Variants in VAT1 observed in about 807,000 individuals in gnomAD.
VAT1 encodes the protein vesicle amine transport 1, also known as NADPH-dependent quinone oxidoreductase VAT1.
A neutral mutation model predicts 33.3 loss-of-function variants in VAT1; 24 were observed. The observed-to-expected ratio is 0.72, with a 90% CI of 0.52 to 1.01. The LOEUF (loss-of-function observed/expected upper bound fraction) is 1.01. Ranked by LOEUF, VAT1 falls within the 50% of genes least tolerant of loss-of-function variation. The pLI is 0.00. For synonymous variants in VAT1, 212 were observed against 225.0 expected, an observed-to-expected ratio of 0.94 and a Z score of 0.52; for missense variants, 436 against 533.7, an observed-to-expected ratio of 0.82 and a Z score of 1.80.
At position 43,016,361 on chromosome 17, in the gene VAT1, C is replaced by A. The variant is rs2050520353; in HGVS notation, c.1044G>T (p.Leu348=). ...VSGVVARLLA[L]YNQGHIKPHI... ...GGGGCTTGATGTGGCCCTGGTTGTA[C>A]AGAGCCAGGAGGCGGGCCACCACAC... Residue 348 remains leucine, a synonymous_variant, in exon 5 of 6, where the codon CTG becomes CTT. Transcript: ENST00000355653. 4 of 1,612,200 alleles carry A rather than the reference C, an allele frequency of 2.5e-6. No individual in the cohort carries two copies. Among genetic ancestry groups the A allele is most frequent in the Admixed American group, 1.7e-5 (1 of 60,008 alleles).
At position 43,020,495 on chromosome 17, in the gene VAT1, G is replaced by A. The variant is rs889968415; in HGVS notation, c.387+1441C>T. Among the ~76,000 whole-genome samples, 5 of 152,166 alleles carry A rather than the reference G, an allele frequency of 3.3e-5. No individual in the cohort carries two copies. In the South Asian group the frequency reaches 1.0e-3, roughly 32 times the overall value. On this transcript the variant is annotated intron_variant, in intron 1 of 5. Coordinates refer to ENST00000355653, the MANE Select transcript of VAT1 (RefSeq NM_006373.4). The stretch of plus-strand genomic sequence containing the variant: ...AGGAGAAGCTGTTTGCATACAGGAT[G>A]AATCCAACAAACCTGGCTCCAGAAT...
At chr17:43,021,685 A>G (rs980903008) in intron 1 of VAT1, among the ~76,000 whole-genome samples, 1 of 150,112 alleles carries the variant, frequency 6.7e-6, no homozygotes, top group East Asian at 2.0e-4. Context: ...CCCCCCCACC[A>G]GCACAGCTTC....
Position 43,018,076 on chromosome 17 carries a change from C to A in VAT1, c.726G>T (p.Thr242=), listed in dbSNP as rs768126517. 1.9e-6 allele frequency: 3 copies of A among 1,614,126 alleles called. No homozygotes were observed. The Admixed American group carries it at 5.0e-5, about 27-fold the overall frequency. ...NGVTHPIDYH[T]TDYVDEIKKI... ...TCTTGATCTCATCCACGTAGTCAGTCGTGTGATAGTCGATGGGATGTGTGA... is the reference window on the plus strand; with the variant it reads ...TCTTGATCTCATCCACGTAGTCAGTAGTGTGATAGTCGATGGGATGTGTGA... Residue 242 remains threonine, a synonymous_variant, in exon 3 of 6, where the codon ACG becomes ACT. Transcript: ENST00000355653.
chr17:43,015,268 G>A lies in VAT1; in HGVS notation c.*793C>T, dbSNP rs549162043. On this transcript the variant is annotated 3_prime_UTR_variant, in exon 6 of 6. Transcript: ENST00000355653. ...GAAACCCCAGCTCCACCAGAACAAG[G>A]AAGGCACTGGGGAGTACAGGGGAGG... is the stretch of plus-strand genomic sequence containing the variant. 2.0e-5 allele frequency: 3 copies of A among 152,780 alleles called. No individual in the cohort carries two copies. The highest frequency in any genetic ancestry group is 7.2e-5 in the African/African-American group (3 of 41,560). 9.5% of individuals were successfully genotyped at this position (152,780 alleles called of 1,614,324 possible). A position where few individuals can be genotyped will look rare whatever the true frequency, so the allele number is the denominator to read the frequency against.
At position 43,016,461 on chromosome 17, in the gene VAT1, T is replaced by G. The variant is rs1182898709; in HGVS notation, c.944A>C (p.Gln315Pro). The change falls in exon 5 of 6, where the codon CAG becomes CCG. Residue 315 changes from glutamine (Q) to proline (P), a missense_variant. By Grantham distance (76) the Gln-to-Pro change is moderately conservative (BLOSUM62 -1). This residue lies in a region of VAT1 where 282 missense variants were observed against 405.4 expected (regional missense o/e 0.70). Transcript: ENST00000355653. ...WWNQFSVTAL[Q>P]LLQANRAVCG... ...CACAGCCCGGTTGGCCTGCAGCAGC[T>G]GCAGAGCTGTCACGCTGAACTGATT... The G allele has an allele frequency of 1.2e-6, 2 of 1,614,080 alleles. No individual in the cohort carries two copies. The highest frequency in any genetic ancestry group is 1.7e-6 in the Non-Finnish European group (2 of 1,180,054).
At position 43,016,431 on chromosome 17, in the gene VAT1, C is replaced by A; in HGVS notation, c.974G>T (p.Gly325Val). The change falls in exon 5 of 6, where the codon GGC becomes GTC. Residue 325 changes from glycine to valine, a missense_variant. Coordinates refer to ENST00000355653, the MANE Select transcript of VAT1 (RefSeq NM_006373.4). ...ACCATCCAGGTAGCCCAGGTGGAAG[C>A]CACACACAGCCCGGTTGGCCTGCAG... ...QLLQANRAVCGFHLGYLDGEV... is the reference protein window; with the variant it reads ...QLLQANRAVCVFHLGYLDGEV... The A allele has an allele frequency of 6.2e-7, 1 of 1,614,180 alleles. No homozygotes were observed. The highest frequency in any genetic ancestry group is 1.1e-5 in the South Asian group (1 of 91,092).
intron 1 of VAT1, among the ~76,000 whole-genome samples, chr17:43,020,601 A>G (rs552212866): frequency 1.3e-5 from 2 of 152,228 alleles, no homozygotes; most frequent in East Asian, 3.9e-4. Context: ...CTCCTGGCCA[A>G]GCGCAGTGGC....
rs1303551647 is a variant in VAT1, at chr17:43,021,942, G to A, written c.381C>T (p.Asp127=). 1 of 1,610,626 alleles carries A rather than the reference G, an allele frequency of 6.2e-7. No homozygotes were observed. The highest frequency in any genetic ancestry group is 1.3e-5 in the African/African-American group (1 of 74,978). Residue 127 remains aspartate (D), a synonymous_variant, in exon 1 of 6, where the codon GAC becomes GAT. Transcript: ENST00000355653. ...VVIAVGEGVS[D]RKAGDRVMVL... is the part of the protein sequence containing the mutation. ...CCCTACGCAACCCGCTCACCTTGCG[G>A]TCGCTGACTCCCTCGCCCACTGCGA...
rs779186053 is a variant in VAT1 at position 43,016,543 on chromosome 17, C to G, written c.862G>C (p.Ala288Pro). Residue 288 changes from alanine (A) to proline (P), a missense_variant, in exon 5 of 6, where the codon GCC (alanine) becomes CCC (proline). Around this residue, in one of 2 missense-constraint regions of VAT1, gnomAD observed 282 missense variants for 405.4 expected, o/e 0.70. Coordinates refer to ENST00000355653, the MANE Select transcript of VAT1 (RefSeq NM_006373.4). ...CGTTTGGGGCCCGTCAGCAGGTTGG[C>G]CATTCCTGAAGGACAAGGTGACATA... ...PMGKVVTYGM[A>P]NLLTGPKRNL... The G allele has an allele frequency of 6.2e-7, 1 of 1,612,934 alleles. No individual in the cohort carries two copies. Among genetic ancestry groups the G allele is most frequent in the Middle Eastern group, 1.9e-4 (1 of 5,348 alleles).
In VAT1 at chr17:43,018,797, T is replaced by G; in HGVS notation, c.390A>C (p.Ala130=). Reference sequence around the variant, plus strand: ...GGTTCAACACCATCACCCGGTCTCCTGCCTTGAAGAACAGAAGAGTATCAT... The same window carrying G: ...GGTTCAACACCATCACCCGGTCTCCGGCCTTGAAGAACAGAAGAGTATCAT... ...AVGEGVSDRK[A]GDRVMVLNRS... Residue 130 remains alanine (A), a splice_region_variant and synonymous_variant, in exon 2 of 6, where the codon GCA becomes GCC. Transcript: ENST00000355653. The G allele has an allele frequency of 6.2e-7, 1 of 1,614,198 alleles. No individual in the cohort carries two copies. The highest frequency in any genetic ancestry group is 1.3e-5 in the African/African-American group (1 of 75,042).
Position 43,015,976 on chromosome 17 carries a change from G to T in VAT1, c.*85C>A. On this transcript the variant is annotated 3_prime_UTR_variant, in exon 6 of 6. Transcript: ENST00000355653. ...GGGAGGGCAGAGCATTATGACAGAG[G>T]CTGAAATGCAAGTCTGGTGGCCAAC... The T allele has an allele frequency of 6.8e-7, 1 of 1,468,106 alleles. No individual in the cohort carries two copies. Among genetic ancestry groups the T allele is most frequent in the Non-Finnish European group, 9.5e-7 (1 of 1,055,896 alleles). The allele number at this position is 1,468,106 out of a possible 1,614,324, so 90.9% of individuals were successfully genotyped here. A position where few individuals can be genotyped will look rare whatever the true frequency, so the allele number is the denominator to read the frequency against.
Position 43,022,380 on chromosome 17 carries a change from C to T in VAT1, c.-58G>A. 1.4e-6 allele frequency: 2 copies of T among 1,448,766 alleles called. No homozygotes were observed. Among genetic ancestry groups the T allele is most frequent in the Non-Finnish European group, 1.8e-6 (2 of 1,102,816 alleles). The allele number at this position is 1,448,766 out of a possible 1,614,324, so 89.7% of individuals were successfully genotyped here. A position where few individuals can be genotyped will look rare whatever the true frequency, so the allele number is the denominator to read the frequency against. On this transcript the variant is annotated 5_prime_UTR_variant, in exon 1 of 6. Coordinates refer to ENST00000355653, the MANE Select transcript of VAT1 (RefSeq NM_006373.4). ...ATGGAGAGTGCACAGCTGGGGAAGG[C>T]GGAACGCGTCGGGAAGAGCCGCGGC...
intron 1 of VAT1, 123 bp from the exon 2 acceptor site, chr17:43,018,922 C>A: frequency 1.2e-6 from 1 of 823,286 alleles, no homozygotes; most frequent in South Asian, 1.8e-5. Flanking sequence ...CAGCAATAGT[C>A]ATGGTAATAA....
Position 43,022,255 on chromosome 17 carries a change from G to T in VAT1, c.68C>A (p.Thr23Asn). The T allele has an allele frequency of 6.3e-7, 1 of 1,586,238 alleles. No homozygotes were observed. Among genetic ancestry groups the T allele is most frequent in the South Asian group, 1.1e-5 (1 of 88,582 alleles). Residue 23 changes from threonine to asparagine, a missense_variant, in exon 1 of 6, where the codon ACC becomes AAC. Coordinates refer to ENST00000355653, the MANE Select transcript of VAT1 (RefSeq NM_006373.4). Reference protein sequence around the residue: ...GEDASSPPPKTEAASDPQHPA... With the variant: ...GEDASSPPPKNEAASDPQHPA... ...ATGCTGGGGGTCGCTCGCTGCCTCG[G>T]TTTTCGGAGGCGGCGAAGAGGCGTC...
In VAT1 at chr17:43,016,403, C is replaced by T. The variant is rs904852787; in HGVS notation, c.1002G>A (p.Glu334=). ...CCACCACACCACTGACCAGCTCCAC[C>T]TCACCATCCAGGTAGCCCAGGTGGA... ...CGFHLGYLDG[E]VELVSGVVAR... Residue 334 remains glutamate (E), a synonymous_variant, in exon 5 of 6, where the codon GAG becomes GAA. Transcript: ENST00000355653. 1.2e-6 allele frequency: 2 copies of T among 1,614,048 alleles called. No individual in the cohort carries two copies. The highest frequency in any genetic ancestry group is 1.7e-6 in the Non-Finnish European group (2 of 1,180,046).
In VAT1 at chr17:43,015,869, G is replaced by C; in HGVS notation, c.*192C>G. ...CTTGGCAGGGCCCAGACATCCAAAT[G>C]GTCACTTCCCAACCTCTTCAGAGGT... On this transcript the variant is annotated 3_prime_UTR_variant, in exon 6 of 6. Coordinates refer to ENST00000355653, the MANE Select transcript of VAT1 (RefSeq NM_006373.4). 1 of 683,814 alleles carries C rather than the reference G, an allele frequency of 1.5e-6. No individual in the cohort carries two copies. Among genetic ancestry groups the C allele is most frequent in the Non-Finnish European group, 2.6e-6 (1 of 392,120 alleles). The allele number at this position is 683,814 out of a possible 1,614,324, so 42.4% of individuals were successfully genotyped here. A position where few individuals can be genotyped will look rare whatever the true frequency, so the allele number is the denominator to read the frequency against.
In VAT1 at chr17:43,016,298, C is replaced by T. The variant is rs763203101; in HGVS notation, c.1098+9G>A. On this transcript the variant is annotated intron_variant, in intron 5 of 5. Transcript: ENST00000355653. ...ACCCAAGCCCTCCCTGCAAAGTCCTCACATTCACCTTCTCGAAGGGCCAGA... is the reference window on the plus strand; with the variant it reads ...ACCCAAGCCCTCCCTGCAAAGTCCTTACATTCACCTTCTCGAAGGGCCAGA... 2.5e-6 allele frequency: 4 copies of T among 1,607,970 alleles called. No individual in the cohort carries two copies. The East Asian group carries it at 8.9e-5, about 36-fold the overall frequency.
chr17:43,022,217 C>T lies in VAT1; in HGVS notation c.106G>A (p.Glu36Lys), dbSNP rs760932116. The change falls in exon 1 of 6, where the codon GAA becomes AAA. Residue 36 changes from glutamate (E) to lysine (K), a missense_variant. Physicochemically the swap from Glu to Lys is moderately conservative, Grantham distance 56. Coordinates refer to ENST00000355653, the MANE Select transcript of VAT1 (RefSeq NM_006373.4). ...ASDPQHPAAS[E>K]GAAAAAASPP... is the part of the protein sequence containing the mutation. ...GAGGCGGCGGCGGCGGCGGCCCCTT[C>T]GGAGGCCGCGGGATGCTGGGGGTCG... 17 of 1,565,654 alleles carry T rather than the reference C, an allele frequency of 1.1e-5. 1 individual carries two copies. In the South Asian group the frequency reaches 1.5e-4, roughly 14 times the overall value.
At chr17:43,018,289 C>G in intron 2 of VAT1, 83 bp from the exon 3 acceptor site, 2 of 1,466,780 alleles carry the variant, frequency 1.4e-6, no homozygotes, top group South Asian at 2.5e-5. Flanking sequence ...GGGACTCAGC[C>G]TGTCACCTTC....
Sources: allele counts gnomAD v4.1 joint callset (sites outside exome capture counted in the v4.1 genomes callset), GRCh38; gene constraint gnomAD v4.1.1; regional missense constraint gnomAD v4.1.1; transcripts MANE v1.5; gene names NCBI Gene and HGNC (gene_info 2026-07-23, HGNC 2026-07-21).